TMEM232: variants seen among roughly 807,000 people sequenced by gnomAD.
TMEM232 encodes the protein transmembrane protein 232.
In TMEM232, 80 loss-of-function variants were observed where a neutral mutation model predicts 78.8. The observed-to-expected ratio is 1.01, with a 90% confidence interval of 0.85 to 1.22. The LOEUF (loss-of-function observed/expected upper bound fraction) is 1.22. TMEM232 is among the 50% of genes most tolerant of loss of function. The pLI, the probability that TMEM232 is intolerant of heterozygous loss-of-function variation, is 0.00. For synonymous variants in TMEM232, 297 were observed against 254.3 expected (o/e 1.17, Z -1.60); for missense variants, 881 against 742.2 (o/e 1.19, Z -2.17).
At chr5:110,420,818 C>G in intron 13 of TMEM232, 62 bp from the exon 14 acceptor site, 1 of 1,467,576 alleles carries the variant, frequency 6.8e-7, no homozygotes, top group Non-Finnish European at 8.9e-7. Flanking sequence ...ATCAGTTTAG[C>G]TGCTCAAAAT....
At chr5:110,408,746 C>T (rs1008090912) in intron 2 of TMEM232, among the ~76,000 whole-genome samples, 5 of 152,018 alleles carry the variant, frequency 3.3e-5, no homozygotes, top group Admixed American at 1.3e-4. Context: ...GAGACAACAA[C>T]CGAGAACACT....
intron 10 of TMEM232, among the ~76,000 whole-genome samples, chr5:110,576,794 C>T (rs1777620959): frequency 6.6e-6 from 1 of 152,076 alleles, no homozygotes; most frequent in South Asian, 2.1e-4. Flanking sequence ...AAAGGATTTC[C>T]TATTCAATAA....
At chr5:110,423,803 G>GTGTGTATGTGTA (rs1554075264) in intron 13 of TMEM232, among the ~76,000 whole-genome samples, 2 of 151,748 alleles carry the variant, frequency 1.3e-5, no homozygotes, top group Non-Finnish European at 2.9e-5. Context: ...GTGTGTGTGT[G>GTGTGTATGTGTA]TGTGTGTATG....
chr5:110,597,743 G>C (rs1780351527), intron 10 of TMEM232, among the ~76,000 whole-genome samples: 2 of 151,778 alleles, frequency 1.3e-5, no homozygotes, highest in Admixed American at 6.6e-5. Flanking sequence ...TGACAAACCT[G>C]AGAAAAACAA....
At chr5:110,640,591 T>C (rs1580463351) in intron 4 of TMEM232, among the ~76,000 whole-genome samples, 1 of 152,154 alleles carries the variant, frequency 6.6e-6, no homozygotes, top group Non-Finnish European at 1.5e-5. Flanking sequence ...TAGTGCCTAT[T>C]GTAACTGGAA....
At chr5:110,531,005 G>A (rs1282039522) in intron 11 of TMEM232, among the ~76,000 whole-genome samples, 2 of 152,086 alleles carry the variant, frequency 1.3e-5, no homozygotes, top group African/African-American at 4.8e-5. Context: ...CCAGATGGCC[G>A]GTTCCAGCCT....
intron 12 of TMEM232, among the ~76,000 whole-genome samples, chr5:110,448,340 A>G (rs1362308254): frequency 6.6e-6 from 1 of 152,040 alleles, no homozygotes; most frequent in Admixed American, 6.6e-5. Context: ...ACTTTTAACC[A>G]AAAAAGAGAA....
At chr5:110,395,431 A>T (rs900080304) in intron 3 of TMEM232, among the ~76,000 whole-genome samples, 5 of 152,134 alleles carry the variant, frequency 3.3e-5, no homozygotes, top group African/African-American at 1.2e-4. Flanking sequence ...TAATTTAAAA[A>T]TTAAGCTCGA....
intron 12 of TMEM232, among the ~76,000 whole-genome samples, chr5:110,459,834 C>G (rs1450315095): frequency 6.6e-6 from 1 of 152,154 alleles, no homozygotes; most frequent in East Asian, 1.9e-4. Context: ...ATATGATACA[C>G]TGAGAAGGAC....
intron 1 of TMEM232, among the ~76,000 whole-genome samples, chr5:110,691,169 G>A (rs529880425): frequency 2.7e-5 from 4 of 149,990 alleles, no homozygotes; most frequent in South Asian, 4.2e-4. Context: ...AGAAAGAAAG[G>A]AAGCTTTGGA....
chr5:110,605,111 TTC>T lies in TMEM232; in HGVS notation c.1272_1273del (p.Asn425LeufsTer2). On this transcript the variant is annotated frameshift_variant, in exon 10 of 14. Transcript: ENST00000455884. LOFTEE classifies it high-confidence loss of function. ...AAAGTAAAAAACAATCTACTTACAG[TTC>T]TCTGACATTTTTGAAGAGAAATATT... 1.3e-6 allele frequency: 2 copies of T among 1,539,280 alleles called. No individual in the cohort carries two copies. Among genetic ancestry groups the T allele is most frequent in the Non-Finnish European group, 1.8e-6 (2 of 1,140,062 alleles).
At chr5:110,417,092 A>G (rs1756245937), downstream of TMEM232, among the ~76,000 whole-genome samples, 1 of 152,216 alleles carries the variant, frequency 6.6e-6, no homozygotes, top group South Asian at 2.1e-4. Context: ...AGAGAAACCT[A>G]TGGAAACTTA....
chr5:110,724,788 T>C (rs528245427), intron 1 of TMEM232, among the ~76,000 whole-genome samples: 6 of 152,236 alleles, frequency 3.9e-5, no homozygotes, highest in Non-Finnish European at 7.3e-5. Context: ...AATTATCTTT[T>C]ATTTATTCAT....
rs72773139 is a variant in TMEM232 at position 110,661,263 on chromosome 5, T to C, written c.125+5965A>G. 8.2e-3 allele frequency among the ~76,000 whole-genome samples: 1,247 copies of C among 152,276 alleles called. 6 individuals carry two copies. Among genetic ancestry groups the C allele is most frequent in the Non-Finnish European group, 0.014 (920 of 68,024 alleles). Reference sequence around the variant, plus strand: ...GGACACTTAGATTGATTCCATATCTTGGCTATTGTGAATAATGCTACAAGT... The same window carrying C: ...GGACACTTAGATTGATTCCATATCTCGGCTATTGTGAATAATGCTACAAGT... On this transcript the variant is annotated intron_variant, in intron 2 of 13. Transcript: ENST00000455884.
intron 1 of TMEM232, among the ~76,000 whole-genome samples, chr5:110,737,520 T>G (rs1189386287): frequency 6.6e-6 from 1 of 152,224 alleles, no homozygotes; most frequent in African/African-American, 2.4e-5. Flanking sequence ...GAAAGCTACT[T>G]TCTTCTCACC....
intron 11 of TMEM232, among the ~76,000 whole-genome samples, chr5:110,549,695 G>A (rs895821675): frequency 3.3e-5 from 5 of 150,146 alleles, no homozygotes; most frequent in Non-Finnish European, 7.4e-5. Context: ...AAAATAAGAA[G>A]GGTTAGGAAT....
At chr5:110,671,990 A>C (rs893644999) in intron 1 of TMEM232, among the ~76,000 whole-genome samples, 1 of 152,198 alleles carries the variant, frequency 6.6e-6, no homozygotes, top group African/African-American at 2.4e-5. Context: ...ATTAGCTTAA[A>C]GCATTTAATG....
intron 1 of TMEM232, among the ~76,000 whole-genome samples, chr5:110,706,995 T>C (rs961479902): frequency 2.0e-5 from 3 of 152,204 alleles, no homozygotes; most frequent in Admixed American, 6.6e-5. Context: ...TTATTTTATA[T>C]AGTCTTCAAA....
intron 5 of TMEM232, among the ~76,000 whole-genome samples, chr5:110,629,334 T>C (rs1373622968): frequency 2.0e-5 from 3 of 152,162 alleles, no homozygotes; most frequent in Non-Finnish European, 4.4e-5. Flanking sequence ...TATATCTCAA[T>C]TTGGTCATGG....
Sources: allele counts gnomAD v4.1 joint callset (sites outside exome capture counted in the v4.1 genomes callset), GRCh38; gene constraint gnomAD v4.1.1; transcripts MANE v1.5; gene names NCBI Gene and HGNC (gene_info 2026-07-23, HGNC 2026-07-21).